The following TMEM207 variants were observed in gnomAD, a reference collection of about 807,000 sequenced individuals.
TMEM207 encodes the protein SRSR846.
Under a neutral mutation model 17.4 loss-of-function variants are expected in TMEM207, and 15 were observed. The observed-to-expected ratio is 0.86, with a 90% CI of 0.58 to 1.33. The LOEUF (loss-of-function observed/expected upper bound fraction) is 1.33. TMEM207 is among the 40% of genes most tolerant of loss of function. The probability of loss-of-function intolerance (pLI) is 0.00; values close to 1 mark genes in which losing one functional copy is unlikely to be tolerated. For missense variants in TMEM207, 205 were observed against 173.8 expected (o/e 1.18, Z -1.01); for synonymous variants, 70 against 65.6 (o/e 1.07, Z -0.33).
At chr3:190,429,826 C>T in intron 4 of TMEM207, 95 bp from the exon 5 acceptor site, 1 of 1,357,126 alleles carries the variant, frequency 7.4e-7, no homozygotes, top group Non-Finnish European at 9.8e-7. Context: ...GCTTGGATCG[C>T]TGAAGCAACA....
chr3:190,434,849 T>A (rs1295868591), intron 4 of TMEM207, among the ~76,000 whole-genome samples: 1 of 151,888 alleles, frequency 6.6e-6, no homozygotes, highest in Non-Finnish European at 1.5e-5. Flanking sequence ...GGGAACATAG[T>A]AAAGGGAGAA....
chr3:190,431,351 T>G (rs919932508), intron 4 of TMEM207, among the ~76,000 whole-genome samples: 4 of 152,114 alleles, frequency 2.6e-5, no homozygotes, highest in African/African-American at 4.8e-5. Flanking sequence ...ATTATTACAA[T>G]ATGTCAAGAG....
intron 2 of TMEM207, among the ~76,000 whole-genome samples, chr3:190,441,695 T>G (rs1250632047): frequency 6.6e-6 from 1 of 152,216 alleles, no homozygotes; most frequent in African/African-American, 2.4e-5. Context: ...AAATGTGAAA[T>G]TATCAGACTG....
chr3:190,446,648 G>A (rs886531373), intron 2 of TMEM207, among the ~76,000 whole-genome samples: 1 of 152,166 alleles, frequency 6.6e-6, no homozygotes, highest in African/African-American at 2.4e-5. Context: ...ATTTCTCTTA[G>A]GTTTCAATCC....
intron 4 of TMEM207, among the ~76,000 whole-genome samples, chr3:190,432,067 A>G (rs548470502): frequency 2.6e-4 from 39 of 152,344 alleles, no homozygotes; most frequent in Middle Eastern, 3.4e-3. Flanking sequence ...AGCTGAGAGA[A>G]CTGAATTAAA....
intron 1 of TMEM207, among the ~76,000 whole-genome samples, chr3:190,448,512 C>A (rs1050105745): frequency 6.6e-6 from 1 of 152,100 alleles, no homozygotes; most frequent in South Asian, 2.1e-4. Flanking sequence ...TACTAAATCA[C>A]AAGGAAAAAG....
chr3:190,432,608 T>C (rs539237236), intron 4 of TMEM207, among the ~76,000 whole-genome samples: 3 of 152,100 alleles, frequency 2.0e-5, no homozygotes, highest in African/African-American at 4.8e-5. Context: ...ACATGAAACA[T>C]AGGGAAATGG....
intron 4 of TMEM207, among the ~76,000 whole-genome samples, chr3:190,435,463 G>A (rs886183553): frequency 6.6e-6 from 1 of 152,050 alleles, no homozygotes. Context: ...GAGATACTGG[G>A]GTTAGAATTT....
chr3:190,441,305 G>T, intron 3 of TMEM207, 133 bp downstream of exon 3: 2 of 683,978 alleles, frequency 2.9e-6, no homozygotes, highest in Non-Finnish European at 4.9e-6. Flanking sequence ...TGAAAGTGAT[G>T]TTTCTATATT....
At chr3:190,443,145 CTT>C (rs201791052) in intron 2 of TMEM207, among the ~76,000 whole-genome samples, 4 of 140,310 alleles carry the variant, frequency 2.9e-5, no homozygotes, top group Admixed American at 7.2e-5. Context: ...ATTAAAAAAG[CTT>C]TTTTTTTTTT....
At chr3:190,445,364 C>T (rs1280983885) in intron 2 of TMEM207, among the ~76,000 whole-genome samples, 1 of 152,178 alleles carries the variant, frequency 6.6e-6, no homozygotes, top group African/African-American at 2.4e-5. Context: ...TGCTTTATTT[C>T]ATAAAATAAA....
At chr3:190,449,481 G>A (rs1179621249) in intron 1 of TMEM207, among the ~76,000 whole-genome samples, 1 of 152,168 alleles carries the variant, frequency 6.6e-6, no homozygotes, top group African/African-American at 2.4e-5. Flanking sequence ...TTAAACAAAG[G>A]TTAAATTTGC....
At position 190,429,563 on chromosome 3, in the gene TMEM207, T is replaced by A. The variant is rs1269877940; in HGVS notation, c.*32A>T. On this transcript the variant is annotated 3_prime_UTR_variant, in exon 5 of 5. Transcript: ENST00000354905. ...GATGTTTTGGAATTACAGATGTCGT[T>A]AATACTTTAAATTGATAATCCACAC... 21 of 1,606,458 alleles carry A rather than the reference T, an allele frequency of 1.3e-5. No individual in the cohort carries two copies. The highest frequency in any genetic ancestry group is 1.7e-5 in the Non-Finnish European group (20 of 1,174,914).
intron 4 of TMEM207, among the ~76,000 whole-genome samples, chr3:190,431,431 T>C (rs1441395876): frequency 6.6e-6 from 1 of 152,018 alleles, no homozygotes; most frequent in Non-Finnish European, 1.5e-5. Flanking sequence ...CCATCCTCTT[T>C]TCATAGTTAA....
chr3:190,448,657 G>C (rs1381190659), intron 1 of TMEM207, among the ~76,000 whole-genome samples: 2 of 152,164 alleles, frequency 1.3e-5, no homozygotes, highest in East Asian at 3.8e-4. Context: ...GAAGTCAGTT[G>C]AAGTATTTAT....
intron 4 of TMEM207, among the ~76,000 whole-genome samples, chr3:190,437,062 T>C (rs763379047): frequency 1.5e-4 from 23 of 152,246 alleles, no homozygotes; most frequent in Middle Eastern, 3.4e-3. Flanking sequence ...TGGGAATCAA[T>C]AGTAGAGAGA....
At chr3:190,448,438 T>C (rs768489696) in intron 1 of TMEM207, among the ~76,000 whole-genome samples, 1 of 152,272 alleles carries the variant, frequency 6.6e-6, no homozygotes. Flanking sequence ...TCCAATACTA[T>C]AAGCATTCTA....
rs1021779792 is a variant in TMEM207 at position 190,449,683 on chromosome 3, G to A, written c.75+52C>T. On this transcript the variant is annotated intron_variant, in intron 1 of 4. Coordinates refer to ENST00000354905, the MANE Select transcript of TMEM207 (RefSeq NM_207316.3). ...AAATCTATAGCAAATCAAGTCCTCA[G>A]AGTACCTCAGAGTACCTCTGAAAAC... 64 of 1,541,916 alleles carry A rather than the reference G, an allele frequency of 4.2e-5. No individual in the cohort carries two copies. The Admixed American group carries it at 1.0e-3, about 25-fold the overall frequency.
In TMEM207 at chr3:190,440,408, G is replaced by T. The variant is rs762838959; in HGVS notation, c.159-19C>A. The T allele has an allele frequency of 2.5e-6, 4 of 1,601,876 alleles. No homozygotes were observed. Among genetic ancestry groups the T allele is most frequent in the Admixed American group, 1.8e-5 (1 of 57,010 alleles). ...GAGGATCCTGACTCCAAAAGTAACC[G>T]AGAAAAGAATGAGGTAGAGTATGCA... is the stretch of plus-strand genomic sequence containing the variant. On this transcript the variant is annotated intron_variant, in intron 3 of 4. Coordinates refer to ENST00000354905, the MANE Select transcript of TMEM207 (RefSeq NM_207316.3).
Sources: allele counts gnomAD v4.1 joint callset (sites outside exome capture counted in the v4.1 genomes callset), GRCh38; gene constraint gnomAD v4.1.1; transcripts MANE v1.5; gene names NCBI Gene and HGNC (gene_info 2026-07-23, HGNC 2026-07-21).